Variants in L3MBTL3 observed in about 807,000 individuals in gnomAD.
L3MBTL3 encodes the protein L3MBTL histone methyl-lysine binding protein 3, also known as lethal(3)malignant brain tumor-like protein 3.
A neutral mutation model predicts 102.3 loss-of-function variants in L3MBTL3; 27 were observed. The observed-to-expected ratio is 0.26, with a 90% confidence interval of 0.19 to 0.36. The LOEUF (loss-of-function observed/expected upper bound fraction) is 0.36. L3MBTL3 is among the 10% of genes least tolerant of loss of function. The pLI is 1.00. For missense variants in L3MBTL3, 798 were observed against 955.3 expected (o/e 0.84, Z 2.17); for synonymous variants, 340 against 320.9 (o/e 1.06, Z -0.64).
Position 130,086,133 on chromosome 6 carries a change from G to A in L3MBTL3, c.1408-7G>A, listed in dbSNP as rs759770816. 2 of 1,589,114 alleles carry A rather than the reference G, an allele frequency of 1.3e-6. No homozygotes were observed. The highest frequency in any genetic ancestry group is 8.6e-7 in the Non-Finnish European group (1 of 1,163,088). On this transcript the variant is annotated splice_region_variant and splice_polypyrimidine_tract_variant and intron_variant, in intron 15 of 22. Coordinates refer to ENST00000361794, the MANE Select transcript of L3MBTL3 (RefSeq NM_032438.4). ...ATCTCACTCTGTAAAATTTTTTTTT[G>A]TGGCAGAAACCTCCTCATGGATTCC...
rs1779305174 is a variant in L3MBTL3, at chr6:130,025,802, T to C, written c.-16+3497T>C. Among the ~76,000 whole-genome samples the C allele has an allele frequency of 3.9e-5, 6 of 152,306 alleles. No individual in the cohort carries two copies. The South Asian group carries it at 1.2e-3, about 32-fold the overall frequency. Reference sequence around the variant, plus strand: ...TTGTGTTCCACCAACAGATACTTATTGAACCTCTATTTTGTCTAAATTACT... The same window carrying C: ...TTGTGTTCCACCAACAGATACTTATCGAACCTCTATTTTGTCTAAATTACT... On this transcript the variant is annotated intron_variant, in intron 2 of 22. Transcript: ENST00000361794.
At chr6:130,092,602 G>T (rs1404891162) in intron 16 of L3MBTL3, 143 bp from the exon 17 acceptor site, 3 of 555,828 alleles carry the variant, frequency 5.4e-6, no homozygotes, top group Non-Finnish European at 9.6e-6. Context: ...TATGAGTGAA[G>T]TATTTTGAAT....
intron 3 of L3MBTL3, among the ~76,000 whole-genome samples, chr6:130,047,836 C>G (rs1780823073): frequency 6.6e-6 from 1 of 152,028 alleles, no homozygotes; most frequent in Non-Finnish European, 1.5e-5. Flanking sequence ...TTAAAGATTT[C>G]TTTTTCTAAA....
intron 2 of L3MBTL3, among the ~76,000 whole-genome samples, chr6:130,026,536 G>C (rs1159785919): frequency 6.6e-6 from 1 of 151,390 alleles, no homozygotes; most frequent in Admixed American, 6.6e-5. Flanking sequence ...ATAATGAACA[G>C]GTATAAGAAA....
intron 8 of L3MBTL3, among the ~76,000 whole-genome samples, chr6:130,057,124 A>G (rs1025872078): frequency 1.3e-5 from 2 of 152,146 alleles, no homozygotes; most frequent in Non-Finnish European, 2.9e-5. Context: ...CCCTTCCTGT[A>G]GCTTCTGTGG....
intron 16 of L3MBTL3, among the ~76,000 whole-genome samples, chr6:130,087,827 A>G (rs780117921): frequency 2.6e-5 from 4 of 152,064 alleles, no homozygotes; most frequent in South Asian, 2.1e-4. Flanking sequence ...ACATTATGTT[A>G]TGATATCTGC....
chr6:130,032,849 C>T (rs1222677126), intron 2 of L3MBTL3, among the ~76,000 whole-genome samples: 2 of 152,050 alleles, frequency 1.3e-5, no homozygotes, highest in Non-Finnish European at 2.9e-5. Flanking sequence ...AAACATTAGC[C>T]AGCTGTGGTG....
chr6:130,041,093 A>G (rs1780394407), intron 2 of L3MBTL3, among the ~76,000 whole-genome samples: 1 of 152,224 alleles, frequency 6.6e-6, no homozygotes, highest in Admixed American at 6.5e-5. Flanking sequence ...GACCTTTTGA[A>G]AGGGGCTCAG....
chr6:130,039,316 TAAAA>T (rs919610315), intron 2 of L3MBTL3, among the ~76,000 whole-genome samples: 1 of 151,786 alleles, frequency 6.6e-6, no homozygotes, highest in Middle Eastern at 3.2e-3. Flanking sequence ...TCATTTTGCT[TAAAA>T]AAAAGCAACA....
At chr6:130,072,827 T>G (rs972028104) in intron 13 of L3MBTL3, among the ~76,000 whole-genome samples, 2 of 152,164 alleles carry the variant, frequency 1.3e-5, no homozygotes, top group Non-Finnish European at 2.9e-5. Context: ...CCCTATTGTT[T>G]TAGTGGGATT....
intron 13 of L3MBTL3, among the ~76,000 whole-genome samples, chr6:130,074,975 A>G (rs927835759): frequency 2.0e-5 from 3 of 152,216 alleles, no homozygotes; most frequent in African/African-American, 7.2e-5. Context: ...TAACAGCAGT[A>G]GTAATTTTAT....
intron 19 of L3MBTL3, among the ~76,000 whole-genome samples, chr6:130,109,651 T>C (rs766660513): frequency 2.0e-5 from 3 of 152,230 alleles, no homozygotes; most frequent in Non-Finnish European, 4.4e-5. Flanking sequence ...TCCCATGCTG[T>C]AGGTTGCCTG....
chr6:130,028,333 G>A (rs952142126), intron 2 of L3MBTL3, among the ~76,000 whole-genome samples: 1 of 152,162 alleles, frequency 6.6e-6, no homozygotes. Flanking sequence ...ATGACTAGCT[G>A]ATAAAGGGAC....
rs1780981683 is a variant in L3MBTL3, at chr6:130,049,851, C to T, written c.289+21C>T. The T allele has an allele frequency of 1.9e-6, 3 of 1,598,288 alleles. No homozygotes were observed. The South Asian group carries it at 3.4e-5, about 18-fold the overall frequency. On this transcript the variant is annotated intron_variant, in intron 5 of 22. Coordinates refer to ENST00000361794, the MANE Select transcript of L3MBTL3 (RefSeq NM_032438.4). ...CACAGGTACCTCAAACTCCACATGT[C>T]TGAAATGCAATTCATTTTCTATTTC...
intron 19 of L3MBTL3, among the ~76,000 whole-genome samples, chr6:130,117,500 T>C (rs902941730): frequency 5.9e-5 from 9 of 152,138 alleles, no homozygotes; most frequent in Non-Finnish European, 8.8e-5. Context: ...GGCATTCTGA[T>C]ATAATCATAT....
chr6:130,035,446 A>G (rs1451015326), intron 2 of L3MBTL3, among the ~76,000 whole-genome samples: 1 of 152,192 alleles, frequency 6.6e-6, no homozygotes, highest in Admixed American at 6.5e-5. Flanking sequence ...ATAGGAGGTA[A>G]TTCTGAGGAA....
At chr6:130,100,910 G>C (rs1784646979) in intron 18 of L3MBTL3, among the ~76,000 whole-genome samples, 1 of 152,128 alleles carries the variant, frequency 6.6e-6, no homozygotes, top group African/African-American at 2.4e-5. Flanking sequence ...GTAAAGAAGA[G>C]AACCTGTCAC....
chr6:130,055,192 A>G lies in L3MBTL3; in HGVS notation c.604A>G (p.Ile202Val). The G allele has an allele frequency of 1.9e-6, 3 of 1,613,932 alleles. No individual in the cohort carries two copies. The South Asian group carries it at 3.3e-5, about 18-fold the overall frequency. The change falls in exon 8 of 23, where the codon ATC becomes GTC. Residue 202 changes from isoleucine (I) to valine (V), a missense_variant. Coordinates refer to ENST00000361794, the MANE Select transcript of L3MBTL3 (RefSeq NM_032438.4). The part of the protein sequence containing the change: ...DEMENKQDVR[I>V]LRGSQRARRK... ...GTAGGAGAACAAACAAGATGTAAGA[A>G]TCCTGAGGGGTTCGCAGAGAGCACG...
chr6:130,072,171 A>T (rs1782679397), intron 13 of L3MBTL3, among the ~76,000 whole-genome samples: 1 of 146,286 alleles, frequency 6.8e-6, no homozygotes, highest in Non-Finnish European at 1.5e-5. Flanking sequence ...TAATAAAAAT[A>T]ATACAAATAC....
Sources: allele counts gnomAD v4.1 joint callset (sites outside exome capture counted in the v4.1 genomes callset), GRCh38; gene constraint gnomAD v4.1.1; transcripts MANE v1.5; gene names NCBI Gene and HGNC (gene_info 2026-07-23, HGNC 2026-07-21).